The following PTPRD variants were observed in gnomAD, a reference collection of about 807,000 sequenced individuals.
PTPRD encodes the protein protein tyrosine phosphatase receptor type D.
PTPRD carries 34 observed loss-of-function variants against 214.5 expected under a neutral mutation model. That is an observed-to-expected ratio of 0.16 (90% CI 0.12 to 0.21). PTPRD has a LOEUF of 0.21. Ranked by LOEUF, PTPRD falls within the 10% of genes least tolerant of loss-of-function variation. The probability of loss-of-function intolerance (pLI) is 1.00; values close to 1 mark genes in which losing one functional copy is unlikely to be tolerated. For synonymous variants in PTPRD, 1,128 were observed against 845.7 expected (o/e 1.33, Z -5.79); for missense variants, 2,545 against 2,398.7 (o/e 1.06, Z -1.27).
chr9:10,128,684 G>A (rs146030655), intron 3 of PTPRD, among the ~76,000 whole-genome samples: 2 of 152,238 alleles, frequency 1.3e-5, no homozygotes, highest in East Asian at 1.9e-4. Context: ...CCATTTCAAT[G>A]CCTGTTTTCT....
chr9:9,104,433 T>C (rs1246406824), intron 10 of PTPRD, among the ~76,000 whole-genome samples: 1 of 152,214 alleles, frequency 6.6e-6, no homozygotes, highest in Non-Finnish European at 1.5e-5. Context: ...ATTCCTGAGA[T>C]GAATAATTAA....
At chr9:10,047,347 T>TGC (rs2097425016) in intron 3 of PTPRD, among the ~76,000 whole-genome samples, 1 of 150,358 alleles carries the variant, frequency 6.7e-6, no homozygotes. Context: ...TGCGTGTGTG[T>TGC]GTGTGCTTGT....
chr9:9,638,290 A>C (rs1246091045), intron 7 of PTPRD, among the ~76,000 whole-genome samples: 1 of 152,198 alleles, frequency 6.6e-6, no homozygotes, highest in African/African-American at 2.4e-5. Context: ...GAAGCCACAC[A>C]GCATTCTGAA....
chr9:8,942,328 A>C (rs770150432), intron 11 of PTPRD, among the ~76,000 whole-genome samples: 4 of 152,324 alleles, frequency 2.6e-5, no homozygotes, highest in Non-Finnish European at 4.4e-5. Flanking sequence ...AAAAACATGC[A>C]AGTTATCACT....
At chr9:9,432,578 T>C (rs563616867) in intron 8 of PTPRD, among the ~76,000 whole-genome samples, 2 of 152,326 alleles carry the variant, frequency 1.3e-5, no homozygotes, top group African/African-American at 4.8e-5. Context: ...GAAGATCTTT[T>C]ATTCTTTTGA....
chr9:9,604,697 A>G (rs552734571), intron 7 of PTPRD, among the ~76,000 whole-genome samples: 1 of 152,190 alleles, frequency 6.6e-6, no homozygotes, highest in South Asian at 2.1e-4. Flanking sequence ...TTTAAACCAT[A>G]TCTATATGTA....
chr9:9,575,435 C>CTGAGGCCA (rs1270881639), intron 7 of PTPRD, among the ~76,000 whole-genome samples: 3 of 151,748 alleles, frequency 2.0e-5, no homozygotes, highest in Non-Finnish European at 2.9e-5. Flanking sequence ...ATAATAGTTA[C>CTGAGGCCA]TGAGGCCAGG....
rs1187365479 is a variant in PTPRD at position 9,607,005 on chromosome 9, A to AAAAAAT, written c.-286-32225_-286-32224insATTTTT. Among the ~76,000 whole-genome samples, 101 of 119,676 alleles carry AAAAAAT rather than the reference A, an allele frequency of 8.4e-4. 15 individuals carry two copies. The highest frequency in any genetic ancestry group is 1.4e-3 in the African/African-American group (42 of 30,506). 78.5% of individuals were successfully genotyped at this position (119,676 alleles called of 152,430 possible). ...AAAAAAAAAAAAAAAAAAAAAAAAAAGTGTTTCTGCCATGTCACCGACCAG... is the reference window on the plus strand; with the variant it reads ...AAAAAAAAAAAAAAAAAAAAAAAAAAAAAAATGTGTTTCTGCCATGTCACCGACCAG... On this transcript the variant is annotated intron_variant, in intron 7 of 45. Transcript: ENST00000381196.
chr9:9,239,159 T>C (rs1032971464), intron 9 of PTPRD, among the ~76,000 whole-genome samples: 3 of 150,478 alleles, frequency 2.0e-5, no homozygotes, highest in South Asian at 4.2e-4. Flanking sequence ...GAACTATAGA[T>C]ACCTTTTGGA....
At chr9:8,769,025 A>T (rs2094984280) in intron 11 of PTPRD, among the ~76,000 whole-genome samples, 1 of 152,202 alleles carries the variant, frequency 6.6e-6, no homozygotes. Flanking sequence ...GTGTTTAGCC[A>T]AAAGCAACCC....
At chr9:9,663,991 C>A (rs563677634) in intron 7 of PTPRD, among the ~76,000 whole-genome samples, 1 of 148,634 alleles carries the variant, frequency 6.7e-6, no homozygotes, top group South Asian at 2.1e-4. Context: ...TGAAGGAGAA[C>A]TTATGTTTTA....
intron 5 of PTPRD, among the ~76,000 whole-genome samples, chr9:9,935,679 C>T (rs1326360056): frequency 6.8e-6 from 1 of 147,674 alleles, no homozygotes; most frequent in Admixed American, 6.6e-5. Context: ...TCAATGCCAT[C>T]CCCATCAAGC....
intron 11 of PTPRD, among the ~76,000 whole-genome samples, chr9:8,978,596 T>A (rs1293801171): frequency 1.3e-5 from 2 of 152,070 alleles, no homozygotes; most frequent in East Asian, 1.9e-4. Context: ...TGAATCAGGG[T>A]AAGGGTTTCG....
intron 13 of PTPRD, among the ~76,000 whole-genome samples, chr9:8,635,149 T>C (rs138867997): frequency 7.5e-4 from 112 of 149,904 alleles, no homozygotes; most frequent in African/African-American, 2.6e-3. Context: ...TTGATGAAGC[T>C]GCTTTGGGTA....
intron 13 of PTPRD, among the ~76,000 whole-genome samples, chr9:8,635,218 A>G (rs2096393115): frequency 6.6e-6 from 1 of 151,342 alleles, no homozygotes; most frequent in Admixed American, 6.6e-5. Flanking sequence ...TTAGGCATTG[A>G]GCAGAGATCA....
intron 3 of PTPRD, among the ~76,000 whole-genome samples, chr9:10,276,445 A>G (rs1395410273): frequency 3.3e-5 from 5 of 152,214 alleles, no homozygotes; most frequent in Non-Finnish European, 7.3e-5. Context: ...AAATGACTGG[A>G]TCTCAGTATG....
intron 8 of PTPRD, among the ~76,000 whole-genome samples, chr9:9,405,547 C>A (rs1227788804): frequency 2.6e-5 from 4 of 151,930 alleles, no homozygotes; most frequent in Non-Finnish European, 2.9e-5. Flanking sequence ...TAACATTAGC[C>A]TGGGTAAATC....
intron 39 of PTPRD, among the ~76,000 whole-genome samples, chr9:8,357,289 A>C (rs1223239909): frequency 6.6e-6 from 1 of 152,196 alleles, no homozygotes; most frequent in Non-Finnish European, 1.5e-5. Flanking sequence ...AATTCTTTGA[A>C]GTTAAAGCTA....
At chr9:8,748,223 T>G (rs973745870) in intron 11 of PTPRD, among the ~76,000 whole-genome samples, 1 of 152,146 alleles carries the variant, frequency 6.6e-6, no homozygotes, top group Admixed American at 6.6e-5. Flanking sequence ...CTGGATTTCC[T>G]AGGCGGAATA....
Sources: allele counts gnomAD v4.1 joint callset (sites outside exome capture counted in the v4.1 genomes callset), GRCh38; gene constraint gnomAD v4.1.1; transcripts MANE v1.5; gene names NCBI Gene and HGNC (gene_info 2026-07-23, HGNC 2026-07-21).